SCG3: variants seen among roughly 807,000 people sequenced by gnomAD.
The protein encoded by SCG3 is secretogranin III, also known as secretogranin-3.
SCG3 carries 38 observed loss-of-function variants against 56.2 expected under a neutral mutation model. The observed-to-expected ratio is 0.68, with a 90% CI of 0.52 to 0.89. The LOEUF is 0.89. Ranked by LOEUF, SCG3 falls within the 40% of genes least tolerant of loss-of-function variation. The pLI, the probability that SCG3 is intolerant of heterozygous loss-of-function variation, is 0.00. For synonymous variants in SCG3, 176 were observed against 184.2 expected, an observed-to-expected ratio of 0.96 and a Z score of 0.36; for missense variants, 524 against 540.7, an observed-to-expected ratio of 0.97 and a Z score of 0.31.
intron 5 of SCG3, 39 bp from the exon 6 acceptor site, chr15:51,689,180 G>C (rs763275191): frequency 6.3e-7 from 1 of 1,594,728 alleles, no homozygotes. Context: ...ACAAGACTGG[G>C]AATATAGCAG....
chr15:51,684,731 A>G (rs2055217352), intron 4 of SCG3, among the ~76,000 whole-genome samples: 1 of 152,202 alleles, frequency 6.6e-6, no homozygotes, highest in South Asian at 2.1e-4. Flanking sequence ...GCAGTTTGTA[A>G]TTTTACCTTC....
At position 51,681,863 on chromosome 15, in the gene SCG3, A is replaced by G. The variant is rs1394965206; in HGVS notation, c.82+26A>G. On this transcript the variant is annotated intron_variant, in intron 1 of 11. Transcript: ENST00000220478. ...GTATGTGAACACTTTTCTTCTTCCT[A>G]CCTTCCTTTTATTTCGCCACGAAAA... is the stretch of plus-strand genomic sequence containing the variant. The G allele has an allele frequency of 2.5e-6, 4 of 1,590,904 alleles. No homozygotes were observed. The African/African-American group carries it at 4.0e-5, about 16-fold the overall frequency.
intron 10 of SCG3, chr15:51,712,993 ACTAAT>A (rs1222640252): frequency 5.2e-6 from 1 of 192,776 alleles, no homozygotes; most frequent in Non-Finnish European, 1.0e-5. Context: ...CCAGAAATGA[ACTAAT>A]CTAAGGACCC....
chr15:51,702,986 G>T (rs924668595), intron 10 of SCG3, among the ~76,000 whole-genome samples: 4 of 152,150 alleles, frequency 2.6e-5, no homozygotes, highest in Non-Finnish European at 5.9e-5. Context: ...TATTCTTTAA[G>T]AGCTGAGAGA....
At chr15:51,683,002 A>T in intron 2 of SCG3, 77 bp from the exon 3 acceptor site, 2 of 1,132,074 alleles carry the variant, frequency 1.8e-6, no homozygotes, top group Non-Finnish European at 1.3e-6. Context: ...CATGGAGATT[A>T]AATCATTTGG....
chr15:51,700,842 G>C (rs1251041200), intron 9 of SCG3, among the ~76,000 whole-genome samples: 2 of 147,964 alleles, frequency 1.4e-5, no homozygotes, highest in Non-Finnish European at 3.0e-5. Context: ...AATTCAGAAA[G>C]CTGGGGTGGG....
intron 10 of SCG3, among the ~76,000 whole-genome samples, chr15:51,703,239 C>T (rs1236979843): frequency 6.6e-6 from 1 of 152,218 alleles, no homozygotes; most frequent in African/African-American, 2.4e-5. Context: ...GGTTCCCCAC[C>T]CAGTATCTCC....
intron 11 of SCG3, chr15:51,715,358 G>C (rs1280213855): frequency 6.6e-6 from 1 of 152,144 alleles, no homozygotes; most frequent in Non-Finnish European, 1.5e-5. Context: ...CAAAGCCTGT[G>C]GGGGATCTGG....
intron 10 of SCG3, among the ~76,000 whole-genome samples, chr15:51,702,046 C>T (rs535061610): frequency 5.0e-4 from 76 of 152,180 alleles, no homozygotes; most frequent in African/African-American, 1.6e-3. Context: ...AACAAACCTG[C>T]ACATTGTGCA....
chr15:51,709,887 A>ATTTTTTTTT (rs67775073), intron 10 of SCG3, among the ~76,000 whole-genome samples: 602 of 84,674 alleles, frequency 7.1e-3, no homozygotes, highest in Middle Eastern at 0.013. Context: ...CGCCCGGCTA[A>ATTTTTTTTT]TTTTTTTTTT....
chr15:51,704,054 C>T (rs2055354899), intron 10 of SCG3, among the ~76,000 whole-genome samples: 1 of 151,578 alleles, frequency 6.6e-6, no homozygotes, highest in East Asian at 1.9e-4. Flanking sequence ...AGAAAGAAAG[C>T]AGTAATGATC....
chr15:51,695,360 T>G (rs978060245), intron 7 of SCG3, among the ~76,000 whole-genome samples: 2 of 152,206 alleles, frequency 1.3e-5, no homozygotes, highest in African/African-American at 2.4e-5. Flanking sequence ...CTTGCCAGTC[T>G]TCTACCCTTC....
chr15:51,718,843 GA>G (rs1014022820), intron 11 of SCG3, among the ~76,000 whole-genome samples: 4 of 148,056 alleles, frequency 2.7e-5, no homozygotes, highest in African/African-American at 5.0e-5. Flanking sequence ...CTCTTAATTT[GA>G]AAAAAAAAAG....
intron 9 of SCG3, among the ~76,000 whole-genome samples, chr15:51,699,877 G>A (rs1192407813): frequency 6.6e-6 from 1 of 151,848 alleles, no homozygotes; most frequent in Non-Finnish European, 1.5e-5. Context: ...TCTTGGTTTC[G>A]TCAGTTCCAT....
Position 51,719,550 on chromosome 15 carries a change from T to C in SCG3, c.*24T>C, listed in dbSNP as rs374055931. On this transcript the variant is annotated 3_prime_UTR_variant, in exon 12 of 12. Coordinates refer to ENST00000220478, the MANE Select transcript of SCG3 (RefSeq NM_013243.4). Reference sequence around the variant, plus strand: ...AAAAATGGCAAAAGATCCAGGAGTCTTTCAACTGTTTCAGAAAACATAATA... The same window carrying C: ...AAAAATGGCAAAAGATCCAGGAGTCCTTCAACTGTTTCAGAAAACATAATA... The C allele has an allele frequency of 4.8e-6, 7 of 1,467,808 alleles. No individual in the cohort carries two copies. In the African/African-American group the frequency reaches 7.0e-5, roughly 15 times the overall value. The allele number at this position is 1,467,808 out of a possible 1,614,324, so 90.9% of individuals were successfully genotyped here. A position where few individuals can be genotyped will look rare whatever the true frequency, so the allele number is the denominator to read the frequency against.
At chr15:51,688,136 C>T in intron 4 of SCG3, 124 bp from the exon 5 acceptor site, 1 of 912,356 alleles carries the variant, frequency 1.1e-6, no homozygotes, top group South Asian at 3.5e-5. Context: ...GGACCGAGAA[C>T]CACCATAAAT....
In SCG3 at chr15:51,692,141, G is replaced by T. The variant is rs1209719210; in HGVS notation, c.691-18G>T. ...TCTAACAAAATGTTCATTTTTTATTGATTTTTCCCCACTGGAGACTCCAAT... is the reference window on the plus strand; with the variant it reads ...TCTAACAAAATGTTCATTTTTTATTTATTTTTCCCCACTGGAGACTCCAAT... On this transcript the variant is annotated intron_variant, in intron 6 of 11. Transcript: ENST00000220478. 2 of 1,574,726 alleles carry T rather than the reference G, an allele frequency of 1.3e-6. No individual in the cohort carries two copies. The highest frequency in any genetic ancestry group is 2.3e-5 in the South Asian group (2 of 85,244).
rs1042040756 is a variant in SCG3, at chr15:51,695,053, G to T, written c.869-822G>T. ...CTCAAAAAAAAAAAAAAAGAAAAAA[G>T]GTTCCCAAGAAACTGCTAGTAATCG... On this transcript the variant is annotated intron_variant, in intron 7 of 11. Coordinates refer to ENST00000220478, the MANE Select transcript of SCG3 (RefSeq NM_013243.4). Among the ~76,000 whole-genome samples, 14 of 151,054 alleles carry T rather than the reference G, an allele frequency of 9.3e-5. No individual in the cohort carries two copies. In the East Asian group the frequency reaches 2.7e-3, roughly 29 times the overall value.
chr15:51,707,602 A>C (rs1035017782), intron 10 of SCG3, among the ~76,000 whole-genome samples: 2 of 152,206 alleles, frequency 1.3e-5, no homozygotes, highest in South Asian at 4.1e-4. Context: ...AATCAGTAAA[A>C]CAAGGCCCAG....
Sources: gnomAD v4.1 joint callset for allele counts (sites outside exome capture counted in the v4.1 genomes callset) on GRCh38, gnomAD v4.1.1 for gene constraint, MANE v1.5 for transcripts, NCBI Gene and HGNC (gene_info 2026-07-23, HGNC 2026-07-21) for gene names.